The following YAF2 variants were observed in gnomAD, a reference collection of about 807,000 sequenced individuals.
YAF2 encodes YY1-associated factor 2.
YAF2 carries 7 observed loss-of-function variants against 20.1 expected under a neutral mutation model. That is an observed-to-expected ratio of 0.35 (90% CI 0.20 to 0.65). The LOEUF (loss-of-function observed/expected upper bound fraction) is 0.65, where lower values mean the gene tolerates loss of function less well. YAF2 is among the 30% of genes least tolerant of loss of function. The pLI, the probability that YAF2 is intolerant of heterozygous loss-of-function variation, is 0.69. For synonymous variants in YAF2, 74 were observed against 76.0 expected (o/e 0.97, Z 0.14); for missense variants, 151 against 219.2 (o/e 0.69, Z 1.96).
At chr12:42,206,131 C>T (rs115709313) in intron 2 of YAF2, among the ~76,000 whole-genome samples, 1,598 of 152,182 alleles carry the variant, frequency 0.011, 28 homozygotes, top group African/African-American at 0.037. Context: ...TTCTTCAAAT[C>T]AGTAACTTCT....
At chr12:42,176,270 C>G (rs552337122) in intron 2 of YAF2, among the ~76,000 whole-genome samples, 4 of 150,868 alleles carry the variant, frequency 2.7e-5, no homozygotes, top group Non-Finnish European at 4.4e-5. Context: ...TACAGGAGTG[C>G]ACCATCACGC....
At chr12:42,205,215 C>T (rs1380074627) in intron 2 of YAF2, among the ~76,000 whole-genome samples, 1 of 151,528 alleles carries the variant, frequency 6.6e-6, no homozygotes, top group Admixed American at 6.6e-5. Context: ...AAATTATTAG[C>T]GATTTCTTAT....
intron 2 of YAF2, among the ~76,000 whole-genome samples, chr12:42,163,702 A>G (rs1258497985): frequency 6.6e-6 from 1 of 152,212 alleles, no homozygotes; most frequent in East Asian, 1.9e-4. Context: ...CAATTCTGAG[A>G]GAAAAGAAGC....
chr12:42,229,606 C>T lies in YAF2; in HGVS notation c.152+7993G>A, dbSNP rs576533558. Among the ~76,000 whole-genome samples the T allele has an allele frequency of 3.9e-4, 59 of 152,194 alleles. 1 individual carries two copies. The highest frequency in any genetic ancestry group is 6.8e-4 in the Non-Finnish European group (46 of 67,996). On this transcript the variant is annotated intron_variant, in intron 2 of 3. Coordinates refer to ENST00000534854, the MANE Select transcript of YAF2 (RefSeq NM_005748.6). ...CATACAGCCATGCATCATTTAATGA[C>T]GGATATGTTCTGAAAAATGCATCGT...
chr12:42,226,349 G>A (rs2067695455), intron 2 of YAF2, among the ~76,000 whole-genome samples: 1 of 152,170 alleles, frequency 6.6e-6, no homozygotes, highest in African/African-American at 2.4e-5. Flanking sequence ...AGGTGTTCAT[G>A]TACAATATCA....
chr12:42,170,414 C>T (rs1216089740), intron 2 of YAF2, among the ~76,000 whole-genome samples: 2 of 152,182 alleles, frequency 1.3e-5, no homozygotes, highest in African/African-American at 4.8e-5. Context: ...TCTTGCGTAT[C>T]TTAATGATAA....
intron 2 of YAF2, among the ~76,000 whole-genome samples, chr12:42,168,780 A>G (rs1189845391): frequency 6.6e-6 from 1 of 152,158 alleles, no homozygotes; most frequent in Non-Finnish European, 1.5e-5. Context: ...GCACATTTAC[A>G]TGTCATTTGG....
At chr12:42,218,796 G>A (rs938329102) in intron 2 of YAF2, among the ~76,000 whole-genome samples, 3 of 151,874 alleles carry the variant, frequency 2.0e-5, no homozygotes, top group Non-Finnish European at 4.4e-5. Flanking sequence ...TTAATCAGTC[G>A]ATTATGTAGC....
chr12:42,220,084 G>A (rs1269507408), intron 2 of YAF2, among the ~76,000 whole-genome samples: 1 of 152,184 alleles, frequency 6.6e-6, no homozygotes, highest in Non-Finnish European at 1.5e-5. Context: ...GAATGGTTAT[G>A]AGAAGGCCCT....
chr12:42,161,869 T>TTG, intron 2 of YAF2, 104 bp from the exon 3 acceptor site: 3 of 1,067,324 alleles, frequency 2.8e-6, no homozygotes, highest in Non-Finnish European at 4.0e-6. Flanking sequence ...TAACAATAAC[T>TTG]TTCAAGTATA....
chr12:42,174,310 T>C (rs2066127161), intron 2 of YAF2, among the ~76,000 whole-genome samples: 1 of 152,122 alleles, frequency 6.6e-6, no homozygotes, highest in Non-Finnish European at 1.5e-5. Context: ...TTACCAACAG[T>C]CAACTGTAGT....
rs73131138 is a variant in YAF2, at chr12:42,185,921, C to A, written c.153-24156G>T. 3.3e-5 allele frequency among the ~76,000 whole-genome samples: 5 copies of A among 151,970 alleles called. No individual in the cohort carries two copies. In the East Asian group the frequency reaches 9.6e-4, roughly 29 times the overall value. ...TTAATTTTAAAAAGTCAGGCTGGGC[C>A]GGGCACAGTGGCTCACGCCTGTAAT... is the stretch of plus-strand genomic sequence containing the variant. On this transcript the variant is annotated intron_variant, in intron 2 of 3. Coordinates refer to ENST00000534854, the MANE Select transcript of YAF2 (RefSeq NM_005748.6).
chr12:42,216,153 A>T (rs962347518), intron 2 of YAF2, among the ~76,000 whole-genome samples: 1 of 152,140 alleles, frequency 6.6e-6, no homozygotes, highest in African/African-American at 2.4e-5. Flanking sequence ...AAACAAAGTT[A>T]GTTACTAACA....
At chr12:42,178,513 C>G (rs2066255880) in intron 2 of YAF2, among the ~76,000 whole-genome samples, 1 of 152,168 alleles carries the variant, frequency 6.6e-6, no homozygotes, top group African/African-American at 2.4e-5. Context: ...ATCGTCATCT[C>G]TCCCCTCTCT....
chr12:42,193,829 G>A (rs1305410761), intron 2 of YAF2, among the ~76,000 whole-genome samples: 1 of 152,098 alleles, frequency 6.6e-6, no homozygotes, highest in South Asian at 2.1e-4. Context: ...AGCAGATGAC[G>A]GCTCCATGCA....
chr12:42,208,795 C>T (rs2067124024), intron 2 of YAF2, among the ~76,000 whole-genome samples: 1 of 152,088 alleles, frequency 6.6e-6, no homozygotes, highest in Non-Finnish European at 1.5e-5. Flanking sequence ...AACCACAAAC[C>T]AAGTGTAAAT....
chr12:42,178,154 G>A (rs2066245871), intron 2 of YAF2, among the ~76,000 whole-genome samples: 1 of 152,270 alleles, frequency 6.6e-6, no homozygotes, highest in African/African-American at 2.4e-5. Flanking sequence ...AATATTTAAT[G>A]TTTTTAATGA....
At chr12:42,161,250 T>TGAAC (rs1414708603) in intron 3 of YAF2, 1 of 251,478 alleles carries the variant, frequency 4.0e-6, no homozygotes, top group Non-Finnish European at 7.6e-6. Context: ...TTGTTATGAC[T>TGAAC]GAACGCATGA....
At chr12:42,211,742 C>CAAAAAAA (rs1173533325) in intron 2 of YAF2, among the ~76,000 whole-genome samples, 1 of 42,396 alleles carries the variant, frequency 2.4e-5, no homozygotes, top group Admixed American at 2.4e-4. Flanking sequence ...AGACTCTGTC[C>CAAAAAAA]AAAAAAAAAA....
Sources: gnomAD v4.1 joint callset for allele counts (sites outside exome capture counted in the v4.1 genomes callset) on GRCh38, gnomAD v4.1.1 for gene constraint, MANE v1.5 for transcripts, NCBI Gene and HGNC (gene_info 2026-07-23, HGNC 2026-07-21) for gene names.